Variants in CLSTN2 observed in about 807,000 individuals in gnomAD.
The protein encoded by CLSTN2 is calsyntenin-2.
In CLSTN2, 48 loss-of-function variants were observed where a neutral mutation model predicts 101.2. The observed-to-expected ratio is 0.47, with a 90% CI of 0.38 to 0.60. CLSTN2 has a LOEUF of 0.60. Among genes scored for constraint, CLSTN2 ranks in the 20% least tolerant of loss-of-function variants. CLSTN2 has a pLI of 0.00. For missense variants in CLSTN2, 1,160 were observed against 1,238.2 expected, an observed-to-expected ratio of 0.94 and a Z score of 0.95; for synonymous variants, 481 against 463.6, an observed-to-expected ratio of 1.04 and a Z score of -0.48.
chr3:140,201,919 G>A (rs1326863846), intron 2 of CLSTN2, among the ~76,000 whole-genome samples: 1 of 152,180 alleles, frequency 6.6e-6, no homozygotes. Context: ...GGAAGATTTA[G>A]TGTCAGGGTT....
At chr3:140,151,282 A>G (rs1235933527) in intron 1 of CLSTN2, among the ~76,000 whole-genome samples, 1 of 152,102 alleles carries the variant, frequency 6.6e-6, no homozygotes, top group East Asian at 1.9e-4. Context: ...CCTTTGACCT[A>G]TGGAGGAAGG....
intron 1 of CLSTN2, among the ~76,000 whole-genome samples, chr3:139,943,690 G>T (rs539911154): frequency 1.1e-4 from 16 of 152,302 alleles, no homozygotes; most frequent in African/African-American, 3.4e-4. Context: ...GGGGATGGGA[G>T]CTGGAACAGG....
At chr3:140,077,420 C>G (rs1383719610) in intron 1 of CLSTN2, among the ~76,000 whole-genome samples, 1 of 152,222 alleles carries the variant, frequency 6.6e-6, no homozygotes, top group Non-Finnish European at 1.5e-5. Flanking sequence ...CTCAGTCTTT[C>G]TGTCCAGCAC....
chr3:140,294,369 G>C (rs993647074), intron 2 of CLSTN2, among the ~76,000 whole-genome samples: 1 of 152,170 alleles, frequency 6.6e-6, no homozygotes, highest in Non-Finnish European at 1.5e-5. Context: ...TCTTACTCAT[G>C]CTACATGCCT....
chr3:140,347,868 C>T (rs1002800727), intron 2 of CLSTN2, among the ~76,000 whole-genome samples: 1 of 152,182 alleles, frequency 6.6e-6, no homozygotes, highest in African/African-American at 2.4e-5. Context: ...TAAAGTTTTA[C>T]CCAATAGACA....
At chr3:140,512,630 G>C (rs1231284885) in intron 8 of CLSTN2, among the ~76,000 whole-genome samples, 2 of 151,596 alleles carry the variant, frequency 1.3e-5, no homozygotes, top group African/African-American at 2.4e-5. Flanking sequence ...TTTTAAAATA[G>C]CTTTTCTAAT....
chr3:140,343,477 A>C lies in CLSTN2; in HGVS notation c.233-60152A>C, dbSNP rs375953417. ...TGTACTTGACATAAGATTGCACGTA[A>C]GTCTGTACTTTTAAAAGACCATCTT... On this transcript the variant is annotated intron_variant, in intron 2 of 16. Coordinates refer to ENST00000458420, the MANE Select transcript of CLSTN2 (RefSeq NM_022131.3). Among the ~76,000 whole-genome samples the C allele has an allele frequency of 1.4e-4, 21 of 152,338 alleles. 1 individual carries two copies. In the East Asian group the frequency reaches 2.7e-3, roughly 20 times the overall value.
At chr3:140,115,948 C>T (rs2009234584) in intron 1 of CLSTN2, among the ~76,000 whole-genome samples, 1 of 152,180 alleles carries the variant, frequency 6.6e-6, no homozygotes, top group Non-Finnish European at 1.5e-5. Flanking sequence ...AATGTAGACA[C>T]TTGTTTTTGC....
chr3:140,301,084 A>T (rs2087054276), intron 2 of CLSTN2, among the ~76,000 whole-genome samples: 1 of 152,154 alleles, frequency 6.6e-6, no homozygotes, highest in Non-Finnish European at 1.5e-5. Flanking sequence ...TCAAGCCCTC[A>T]AAAGATTGAA....
intron 2 of CLSTN2, among the ~76,000 whole-genome samples, chr3:140,321,928 G>T (rs2087287205): frequency 6.6e-6 from 1 of 152,204 alleles, no homozygotes; most frequent in Admixed American, 6.5e-5. Context: ...TGTAGTACAG[G>T]ATCAGCACTT....
At chr3:139,976,485 G>A (rs1935820797) in intron 1 of CLSTN2, among the ~76,000 whole-genome samples, 1 of 152,216 alleles carries the variant, frequency 6.6e-6, no homozygotes, top group African/African-American at 2.4e-5. Flanking sequence ...CACGGATGAG[G>A]GAAACTGAGG....
At chr3:140,223,822 G>T (rs1281924290) in intron 2 of CLSTN2, among the ~76,000 whole-genome samples, 1 of 152,196 alleles carries the variant, frequency 6.6e-6, no homozygotes, top group Non-Finnish European at 1.5e-5. Flanking sequence ...AAATGCTACA[G>T]TGCTCAGTGT....
At chr3:140,078,381 A>G (rs1449940686) in intron 1 of CLSTN2, among the ~76,000 whole-genome samples, 3 of 152,200 alleles carry the variant, frequency 2.0e-5, no homozygotes, top group Admixed American at 2.0e-4. Context: ...CTGGGGCAGA[A>G]CTGAGCTCTA....
chr3:140,412,785 T>G (rs563134614), intron 4 of CLSTN2, among the ~76,000 whole-genome samples: 1 of 152,256 alleles, frequency 6.6e-6, no homozygotes, highest in African/African-American at 2.4e-5. Flanking sequence ...ATAACGTGGT[T>G]CTGAACAACA....
Position 140,576,139 on chromosome 3 carries a change from TGAG to T in CLSTN2, c.*9890_*9892del, listed in dbSNP as rs974510354. 1.3e-5 allele frequency: 2 copies of T among 152,198 alleles called. No individual in the cohort carries two copies. Among genetic ancestry groups the T allele is most frequent in the Admixed American group, 6.5e-5 (1 of 15,284 alleles). The allele number at this position is 152,198 out of a possible 1,614,324, so 9.4% of individuals were successfully genotyped here. A position where few individuals can be genotyped will look rare whatever the true frequency, so the allele number is the denominator to read the frequency against. On this transcript the variant is annotated 3_prime_UTR_variant, in exon 17 of 17. Transcript: ENST00000458420. ...GCATCCAGCCACACTCCCTCTTAGC[TGAG>T]GAGAAGCCTCTGTGAATCCACAGAT...
At chr3:139,944,853 T>C (rs1409132801) in intron 1 of CLSTN2, among the ~76,000 whole-genome samples, 4 of 152,208 alleles carry the variant, frequency 2.6e-5, no homozygotes, top group Non-Finnish European at 4.4e-5. Context: ...CTTGCAGCAT[T>C]TGCTCCGTAG....
At chr3:140,276,446 G>T (rs898542146) in intron 2 of CLSTN2, among the ~76,000 whole-genome samples, 2 of 152,180 alleles carry the variant, frequency 1.3e-5, no homozygotes, top group Non-Finnish European at 2.9e-5. Context: ...TAGAGGAAAG[G>T]CAGCCACCAT....
intron 1 of CLSTN2, among the ~76,000 whole-genome samples, chr3:140,145,086 A>G (rs967431889): frequency 1.3e-5 from 2 of 152,202 alleles, no homozygotes; most frequent in African/African-American, 2.4e-5. Flanking sequence ...ATTTCTTTTA[A>G]ATCAGAGGAC....
intron 1 of CLSTN2, among the ~76,000 whole-genome samples, chr3:140,049,253 T>C (rs1267645903): frequency 2.0e-5 from 3 of 152,228 alleles, no homozygotes; most frequent in Admixed American, 1.3e-4. Context: ...TTCGTCTTCC[T>C]GAAAGCTGTT....
Sources: gnomAD v4.1 joint callset for allele counts (sites outside exome capture counted in the v4.1 genomes callset) on GRCh38, gnomAD v4.1.1 for gene constraint, MANE v1.5 for transcripts, NCBI Gene and HGNC (gene_info 2026-07-23, HGNC 2026-07-21) for gene names.